Variants in AGFG1 observed in about 807,000 individuals in gnomAD.
The protein encoded by AGFG1 is arf-GAP domain and FG repeat-containing protein 1.
In AGFG1, 10 loss-of-function variants were observed where a neutral mutation model predicts 60.6. The observed-to-expected ratio is 0.16, with a 90% CI of 0.10 to 0.28. The LOEUF (loss-of-function observed/expected upper bound fraction) is 0.28. AGFG1 is among the 10% of genes least tolerant of loss of function. The pLI, the probability that AGFG1 is intolerant of heterozygous loss-of-function variation, is 1.00. For synonymous variants in AGFG1, 247 were observed against 242.9 expected, an observed-to-expected ratio of 1.02 and a Z score of -0.16; for missense variants, 537 against 676.5, an observed-to-expected ratio of 0.79 and a Z score of 2.29.
intron 10 of AGFG1, among the ~76,000 whole-genome samples, chr2:227,545,976 A>C (rs893584113): frequency 1.3e-5 from 2 of 152,228 alleles, no homozygotes; most frequent in Non-Finnish European, 2.9e-5. Context: ...GGCCATTCTC[A>C]GATCTCAGAC....
chr2:227,537,067 C>A, intron 10 of AGFG1, 74 bp downstream of exon 10: 2 of 1,285,156 alleles, frequency 1.6e-6, no homozygotes, highest in Non-Finnish European at 2.2e-6. Context: ...GTGAAGAACA[C>A]CAGAAAATGG....
chr2:227,495,957 TA>T (rs1015680022), intron 2 of AGFG1, among the ~76,000 whole-genome samples: 88 of 144,350 alleles, frequency 6.1e-4, no homozygotes, highest in African/African-American at 1.5e-3. Context: ...ATATATATAT[TA>T]AAAAAAAAAA....
chr2:227,529,933 GC>G (rs1016910136), intron 5 of AGFG1, among the ~76,000 whole-genome samples: 1 of 151,288 alleles, frequency 6.6e-6, no homozygotes, highest in African/African-American at 2.4e-5. Flanking sequence ...ATTGTGAAGT[GC>G]CCTCTTTTTA....
In AGFG1 at chr2:227,524,777, C is replaced by G. The variant is rs181559703; in HGVS notation, c.556C>G (p.Arg186Gly). ...TGGTTTGTAGTCCCCAGTTGTAGGT[C>G]GTTCTCAAGGGCAGCAGCAGGAGAA... The part of the protein sequence containing the change: ...GTPSQSPVVG[R>G]SQGQQQEKKQ... The change falls in exon 5 of 13, where the codon CGT (arginine) becomes GGT (glycine). Residue 186 changes from arginine (R) to glycine (G), a missense_variant. By Grantham distance (125) the Arg-to-Gly change is moderately radical. Around this residue, in one of 4 missense-constraint regions of AGFG1, gnomAD observed 102 missense variants for 82.9 expected, o/e 1.23. Coordinates refer to ENST00000310078, the MANE Select transcript of AGFG1 (RefSeq NM_004504.5). 4 of 1,614,068 alleles carry G rather than the reference C, an allele frequency of 2.5e-6. No homozygotes were observed. The highest frequency in any genetic ancestry group is 2.2e-5 in the South Asian group (2 of 91,054).
At chr2:227,546,970 G>A (rs768197157) in intron 10 of AGFG1, among the ~76,000 whole-genome samples, 3 of 152,102 alleles carry the variant, frequency 2.0e-5, no homozygotes, top group Admixed American at 6.5e-5. Context: ...TTACCTAGGT[G>A]GAAACCAATT....
In AGFG1 at chr2:227,560,430, ATCTCTCTGACTATCT is replaced by A. The variant is rs1455113182; in HGVS notation, c.*5936_*5950del. On this transcript the variant is annotated 3_prime_UTR_variant, in exon 13 of 13. Transcript: ENST00000310078. ...TTCTTCCATTTAAAGAAGAAAAAAA[ATCTCTCTGACTATCT>A]GAAGATATATGAAAAAGCCTATGCT... The A allele has an allele frequency of 2.6e-4, 18 of 69,822 alleles. No homozygotes were observed. Among genetic ancestry groups the A allele is most frequent in the Non-Finnish European group, 5.9e-4 (18 of 30,714 alleles). 4.3% of individuals were successfully genotyped at this position (69,822 alleles called of 1,614,324 possible).
intron 6 of AGFG1, among the ~76,000 whole-genome samples, chr2:227,531,942 T>C (rs2106218848): frequency 6.6e-6 from 1 of 152,290 alleles, no homozygotes; most frequent in East Asian, 1.9e-4. Context: ...TGTGCAGGAA[T>C]TGGTGTTTAA....
rs1335678072 is a variant in AGFG1, at chr2:227,560,818, T to C, written c.*6323T>C. 7 of 152,154 alleles carry C rather than the reference T, an allele frequency of 4.6e-5. No homozygotes were observed. The highest frequency in any genetic ancestry group is 8.8e-5 in the Non-Finnish European group (6 of 67,988). 9.4% of individuals were successfully genotyped at this position (152,154 alleles called of 1,614,324 possible). ...TCATGGTTTGGAGCTCAGAAATTTC[T>C]TAACATGTCTTTGCTGTTAGTCAAG... is the stretch of plus-strand genomic sequence containing the variant. On this transcript the variant is annotated 3_prime_UTR_variant, in exon 13 of 13. Coordinates refer to ENST00000310078, the MANE Select transcript of AGFG1 (RefSeq NM_004504.5).
chr2:227,508,732 A>G, intron 2 of AGFG1: 3 of 421,466 alleles, frequency 7.1e-6, no homozygotes, highest in East Asian at 7.0e-5. Context: ...AAGCTCATCC[A>G]AAAGAACAGA....
intron 5 of AGFG1, among the ~76,000 whole-genome samples, chr2:227,526,899 T>C (rs1027735327): frequency 6.6e-6 from 1 of 152,178 alleles, no homozygotes; most frequent in Non-Finnish European, 1.5e-5. Context: ...TTTTCTCCCT[T>C]CCTTATTCTC....
At chr2:227,535,131 TG>T (rs1311044097) in intron 8 of AGFG1, 106 bp downstream of exon 8, 9 of 1,224,610 alleles carry the variant, frequency 7.3e-6, no homozygotes, top group Non-Finnish European at 7.5e-6. Flanking sequence ...TTAAAATTCT[TG>T]GATATTTTTG....
rs935144249 is a variant in AGFG1, at chr2:227,558,286, T to C, written c.*3791T>C. ...TATATATGAATGCATTCTTTCTTAA[T>C]ATTTTGAAATTCTGAACAAGTTAAC... On this transcript the variant is annotated 3_prime_UTR_variant, in exon 13 of 13. Transcript: ENST00000310078. 6 of 152,212 alleles carry C rather than the reference T, an allele frequency of 3.9e-5. No individual in the cohort carries two copies. The highest frequency in any genetic ancestry group is 1.4e-4 in the African/African-American group (6 of 41,474). 9.4% of individuals were successfully genotyped at this position (152,212 alleles called of 1,614,324 possible).
In AGFG1 at chr2:227,557,653, G is replaced by A. The variant is rs1693014414; in HGVS notation, c.*3158G>A. Reference sequence around the variant, plus strand: ...ACTTGCTAACATAAATACCATTTTTGATAAAAATAACTTTTCCAAAACAAA... The same window carrying A: ...ACTTGCTAACATAAATACCATTTTTAATAAAAATAACTTTTCCAAAACAAA... On this transcript the variant is annotated 3_prime_UTR_variant, in exon 13 of 13. Coordinates refer to ENST00000310078, the MANE Select transcript of AGFG1 (RefSeq NM_004504.5). The A allele has an allele frequency of 1.3e-5, 2 of 152,068 alleles. No homozygotes were observed. The highest frequency in any genetic ancestry group is 2.9e-5 in the Non-Finnish European group (2 of 68,000). The allele number at this position is 152,068 out of a possible 1,614,324, so 9.4% of individuals were successfully genotyped here.
chr2:227,480,889 T>C (rs1226542130), intron 1 of AGFG1, among the ~76,000 whole-genome samples: 1 of 152,210 alleles, frequency 6.6e-6, no homozygotes, highest in East Asian at 1.9e-4. Flanking sequence ...GTGAAAATAC[T>C]TTACCCTTGG....
chr2:227,498,420 C>G (rs1347872378), intron 2 of AGFG1, among the ~76,000 whole-genome samples: 1 of 152,148 alleles, frequency 6.6e-6, no homozygotes, highest in Non-Finnish European at 1.5e-5. Context: ...AGGGATATCT[C>G]AGGTTTAAAA....
chr2:227,484,657 T>G (rs1236257177), intron 1 of AGFG1, among the ~76,000 whole-genome samples: 4 of 151,138 alleles, frequency 2.6e-5, no homozygotes, highest in African/African-American at 4.9e-5. Context: ...AGTATAAGCT[T>G]CTTTAATGAA....
At chr2:227,507,550 C>T (rs1396192174) in intron 2 of AGFG1, among the ~76,000 whole-genome samples, 1 of 139,302 alleles carries the variant, frequency 7.2e-6, no homozygotes, top group African/African-American at 2.7e-5. Flanking sequence ...TTGCAGTGAG[C>T]CGAGATGGCG....
In AGFG1 at chr2:227,520,205, G is replaced by A. The variant is rs535941459; in HGVS notation, c.377+142G>A. The A allele has an allele frequency of 1.4e-5, 7 of 509,158 alleles. No homozygotes were observed. In the South Asian group the frequency reaches 1.5e-4, roughly 11 times the overall value. 31.5% of individuals were successfully genotyped at this position (509,158 alleles called of 1,614,324 possible). The stretch of plus-strand genomic sequence containing the variant: ...ATAATTCATTATCCCTTGGCTTTTT[G>A]TTGGTTTGGTTTCTGAAAACCTTTA... On this transcript the variant is annotated intron_variant, in intron 3 of 12. Transcript: ENST00000310078.
chr2:227,545,893 A>G (rs556639083), intron 10 of AGFG1, among the ~76,000 whole-genome samples: 8 of 152,240 alleles, frequency 5.3e-5, no homozygotes, highest in South Asian at 2.1e-4. Context: ...TGAGGTGTCA[A>G]TCGGCCCCTA....
Sources: gnomAD v4.1 joint callset for allele counts (sites outside exome capture counted in the v4.1 genomes callset) on GRCh38, gnomAD v4.1.1 for gene constraint, gnomAD v4.1.1 regional missense constraint, MANE v1.5 for transcripts, NCBI Gene and HGNC (gene_info 2026-07-23, HGNC 2026-07-21) for gene names.